The following CS variants were observed in gnomAD, a reference collection of about 807,000 sequenced individuals.
CS encodes citrate synthase.
Under a neutral mutation model 61.4 loss-of-function variants are expected in CS, and 13 were observed. The ratio of observed to expected loss-of-function variants is 0.21; its 90% CI spans 0.14 to 0.34. CS has a LOEUF of 0.34. Ranked by LOEUF, CS falls within the 10% of genes least tolerant of loss-of-function variation. CS has a pLI of 1.00. For synonymous variants in CS, 159 were observed against 215.2 expected, an observed-to-expected ratio of 0.74 and a Z score of 2.29; for missense variants, 278 against 573.4, an observed-to-expected ratio of 0.48 and a Z score of 5.26.
At chr12:56,295,243 C>T (rs1003312857) in intron 1 of CS, among the ~76,000 whole-genome samples, 1 of 151,982 alleles carries the variant, frequency 6.6e-6, no homozygotes, top group Admixed American at 6.6e-5. Context: ...TATTTCTTGG[C>T]CGGGCACGGT....
chr12:56,285,955 T>C lies in CS; in HGVS notation c.162A>G (p.Gln54=). ...TTTGGCCCACCACCGTCTTGCCATGTTGCTGCCTGAAAGTCTTAATTCTGG... is the reference window on the plus strand; with the variant it reads ...TTTGGCCCACCACCGTCTTGCCATGCTGCTGCCTGAAAGTCTTAATTCTGG... ...EQARIKTFRQ[Q]HGKTVVGQIT... is the part of the protein sequence containing the mutation. Residue 54 remains glutamine (Q), a synonymous_variant, in exon 3 of 11, where the codon CAA becomes CAG. Transcript: ENST00000351328. The C allele has an allele frequency of 1.9e-6, 3 of 1,613,164 alleles. No homozygotes were observed. The highest frequency in any genetic ancestry group is 2.5e-6 in the Non-Finnish European group (3 of 1,179,986).
chr12:56,281,299 G>A (rs1201841346), intron 6 of CS, among the ~76,000 whole-genome samples: 1 of 152,194 alleles, frequency 6.6e-6, no homozygotes, highest in Non-Finnish European at 1.5e-5. Flanking sequence ...AGGATGGAAG[G>A]AATTATGTAC....
intron 7 of CS, chr12:56,275,756 C>A: frequency 1.8e-6 from 1 of 550,512 alleles, no homozygotes; most frequent in Admixed American, 3.1e-5. Context: ...ATGTGAGCAG[C>A]TAGTACCTTT....
chr12:56,275,873 C>T, intron 7 of CS, 123 bp downstream of exon 7: 1 of 845,542 alleles, frequency 1.2e-6, no homozygotes, highest in Non-Finnish European at 1.9e-6. Context: ...ATCCTTTATG[C>T]CACGTTTCTG....
At position 56,276,020 on chromosome 12, in the gene CS, G is replaced by A. The variant is rs964495854; in HGVS notation, c.764C>T (p.Thr255Met). ...CCTGTGGATGGTGAGGTACAGGCGC[G>A]TGAGCTCAGTGAACTGATGATCAGT... is the stretch of plus-strand genomic sequence containing the variant. The part of the protein sequence containing the change: ...GYTDHQFTEL[T>M]RLYLTIHSDH... The change falls in exon 7 of 11, where the codon ACG becomes ATG. Residue 255 changes from threonine to methionine, a missense_variant. Coordinates refer to ENST00000351328, the MANE Select transcript of CS (RefSeq NM_004077.3). 1.1e-5 allele frequency: 18 copies of A among 1,613,996 alleles called. No individual in the cohort carries two copies. In the East Asian group the frequency reaches 1.8e-4, roughly 16 times the overall value.
chr12:56,278,511 C>G (rs756290645), intron 6 of CS, among the ~76,000 whole-genome samples: 1 of 151,938 alleles, frequency 6.6e-6, no homozygotes, highest in Admixed American at 6.6e-5. Context: ...GGCTGAGGAG[C>G]GCGGATCAAG....
At chr12:56,276,772 C>T (rs1872632461) in intron 6 of CS, among the ~76,000 whole-genome samples, 1 of 152,150 alleles carries the variant, frequency 6.6e-6, no homozygotes, top group Admixed American at 6.5e-5. Flanking sequence ...AAACTCCCGA[C>T]CTCAGGTGAT....
In CS at chr12:56,279,954, C is replaced by G. The variant is rs554698876; in HGVS notation, c.588+2466G>C. Among the ~76,000 whole-genome samples, 3 of 151,440 alleles carry G rather than the reference C, an allele frequency of 2.0e-5. No homozygotes were observed. In the East Asian group the frequency reaches 5.9e-4, roughly 30 times the overall value. ...CTGCACTCCAGCCTGGGCAACAGAG[C>G]GAGACTCCATCTCAAAAAACAAAAC... On this transcript the variant is annotated intron_variant, in intron 6 of 10. Coordinates refer to ENST00000351328, the MANE Select transcript of CS (RefSeq NM_004077.3).
intron 9 of CS, chr12:56,273,997 CTTT>C (rs35366727): frequency 0.018 from 6,780 of 366,986 alleles, no homozygotes; most frequent in Non-Finnish European, 0.023. Context: ...ACACATCTGG[CTTT>C]TTTTTTTTTT....
chr12:56,286,217 A>G, intron 2 of CS, 194 bp from the exon 3 acceptor site: 1 of 585,002 alleles, frequency 1.7e-6, no homozygotes, highest in Non-Finnish European at 3.0e-6. Context: ...GTTTAATGGG[A>G]ACAGTTTCTC....
intron 3 of CS, among the ~76,000 whole-genome samples, chr12:56,284,988 A>G (rs1422486955): frequency 6.7e-6 from 1 of 148,828 alleles, no homozygotes; most frequent in Non-Finnish European, 1.5e-5. Context: ...ACTCTTGCCC[A>G]GGCTGGAGTG....
At chr12:56,292,046 CCAGGTATGGTGACT>C (rs1873141506) in intron 1 of CS, among the ~76,000 whole-genome samples, 1 of 152,158 alleles carries the variant, frequency 6.6e-6, no homozygotes, top group South Asian at 2.1e-4. Context: ...TTAAAAGAGG[CCAGGTATGGTGACT>C]CACACCTTCC....
intron 1 of CS, among the ~76,000 whole-genome samples, chr12:56,287,661 C>T (rs762281979): frequency 6.6e-6 from 1 of 151,694 alleles, no homozygotes; most frequent in Non-Finnish European, 1.5e-5. Flanking sequence ...TTTTCCTTTT[C>T]TTTATTTTTT....
At chr12:56,281,455 A>C (rs1160661384) in intron 6 of CS, among the ~76,000 whole-genome samples, 1 of 152,098 alleles carries the variant, frequency 6.6e-6, no homozygotes, top group East Asian at 1.9e-4. Flanking sequence ...CCCACTCCTG[A>C]TGGGTATCTT....
intron 7 of CS, 95 bp downstream of exon 7, chr12:56,275,901 A>C: frequency 9.2e-7 from 1 of 1,081,094 alleles, no homozygotes; most frequent in Non-Finnish European, 1.4e-6. Flanking sequence ...GCTGCCTATC[A>C]TCTGTTCTCA....
intron 1 of CS, among the ~76,000 whole-genome samples, chr12:56,287,946 C>T (rs1872994958): frequency 6.6e-6 from 1 of 152,172 alleles, no homozygotes; most frequent in African/African-American, 2.4e-5. Context: ...GCGTAAGCCA[C>T]CATGCCAGGC....
intron 3 of CS, 62 bp from the exon 4 acceptor site, chr12:56,283,919 C>A: frequency 8.1e-7 from 1 of 1,236,874 alleles, no homozygotes; most frequent in East Asian, 2.3e-5. Context: ...CAGAATGATT[C>A]AGACTAGAAC....
chr12:56,297,863 G>T (rs917038870), intron 1 of CS, among the ~76,000 whole-genome samples: 7 of 152,088 alleles, frequency 4.6e-5, no homozygotes, highest in Non-Finnish European at 1.0e-4. Context: ...TTATCCACAG[G>T]CTAATCTAGA....
At chr12:56,279,067 G>C (rs1053506161) in intron 6 of CS, among the ~76,000 whole-genome samples, 1 of 152,012 alleles carries the variant, frequency 6.6e-6, no homozygotes, top group Non-Finnish European at 1.5e-5. Flanking sequence ...GAGTCCCCAC[G>C]CCTGGCCTAC....
Sources: gnomAD v4.1 joint callset for allele counts (sites outside exome capture counted in the v4.1 genomes callset) on GRCh38, gnomAD v4.1.1 for gene constraint, MANE v1.5 for transcripts, NCBI Gene and HGNC (gene_info 2026-07-23, HGNC 2026-07-21) for gene names.